Variants in ACOXL observed in about 807,000 individuals in gnomAD.
ACOXL encodes the protein acyl-coenzyme A oxidase-like protein.
A neutral mutation model predicts 71.9 loss-of-function variants in ACOXL; 70 were observed. That is an observed-to-expected ratio of 0.97 (90% confidence interval 0.80 to 1.19). The LOEUF (loss-of-function observed/expected upper bound fraction) is 1.19. Ranked by LOEUF, ACOXL falls within the 50% of genes most tolerant of loss-of-function variation. ACOXL has a pLI of 0.00. For missense variants in ACOXL, 703 were observed against 736.3 expected (o/e 0.95, Z 0.52); for synonymous variants, 253 against 281.6 (o/e 0.90, Z 1.02).
intron 10 of ACOXL, among the ~76,000 whole-genome samples, chr2:110,860,675 AGCCTTCCTTTCTG>A (rs1693835984): frequency 6.6e-6 from 1 of 152,200 alleles, no homozygotes; most frequent in African/African-American, 2.4e-5. Flanking sequence ...GGTACCCAAG[AGCCTTCCTTTCTG>A]GCCAGAACTC....
rs2059553280 is a variant in ACOXL at position 110,908,867 on chromosome 2, C to T, written c.867C>T (p.Pro289=). 1.9e-6 allele frequency: 3 copies of T among 1,613,972 alleles called. No homozygotes were observed. The highest frequency in any genetic ancestry group is 2.5e-6 in the Non-Finnish European group (3 of 1,179,926). The change falls in exon 11 of 18, where the codon CCC becomes CCT. Residue 289 remains proline (P), a synonymous_variant. Transcript: ENST00000439055. The part of the protein sequence containing the change: ...EHQTQTLRLM[P]HLATALALTF... ...AAACACAGACCCTGCGGCTGATGCC[C>T]CACCTGGCCACAGCCTTGGCCCTGA...
intron 12 of ACOXL, among the ~76,000 whole-genome samples, chr2:110,975,642 C>G (rs562285684): frequency 5.9e-4 from 90 of 152,018 alleles, no homozygotes; most frequent in South Asian, 1.0e-3. Context: ...GCAAGATGCA[C>G]AAACACAACA....
At chr2:110,851,391 G>C (rs1182176819) in intron 10 of ACOXL, among the ~76,000 whole-genome samples, 1 of 152,116 alleles carries the variant, frequency 6.6e-6, no homozygotes. Flanking sequence ...GGTTTGAGGG[G>C]GTTCTTTATG....
At position 111,006,715 on chromosome 2, in the gene ACOXL, C is replaced by T. The variant is rs1468463200; in HGVS notation, c.1281+10711C>T. 3.3e-5 allele frequency among the ~76,000 whole-genome samples: 5 copies of T among 152,192 alleles called. No individual in the cohort carries two copies. The East Asian group carries it at 5.8e-4, about 18-fold the overall frequency. On this transcript the variant is annotated intron_variant, in intron 14 of 17. Transcript: ENST00000439055. ...CTAGGATTACAGGCATGTGCCACCA[C>T]GTCTGGCTAATTTTTGTATTTTTAG...
At chr2:110,876,365 G>T (rs1695902644) in intron 10 of ACOXL, among the ~76,000 whole-genome samples, 1 of 152,210 alleles carries the variant, frequency 6.6e-6, no homozygotes, top group South Asian at 2.1e-4. Flanking sequence ...CTCCCCCGAG[G>T]TGCCTGTGGT....
chr2:111,036,493 A>G (rs940853867), intron 15 of ACOXL, among the ~76,000 whole-genome samples: 1 of 152,236 alleles, frequency 6.6e-6, no homozygotes, highest in Non-Finnish European at 1.5e-5. Flanking sequence ...GCCAAATCCC[A>G]GTAGACCCAG....
intron 16 of ACOXL, among the ~76,000 whole-genome samples, chr2:111,074,536 A>G (rs2067502208): frequency 6.6e-6 from 1 of 152,062 alleles, no homozygotes; most frequent in Non-Finnish European, 1.5e-5. Flanking sequence ...TTCTGCATCA[A>G]TTGATATGAT....
chr2:111,109,717 C>T (rs932956807), intron 17 of ACOXL, among the ~76,000 whole-genome samples: 95 of 111,020 alleles, frequency 8.6e-4, no homozygotes, highest in African/African-American at 3.3e-3. Context: ...CTCGCTCTTT[C>T]ACCCAGGCTG....
At chr2:110,893,712 A>G (rs1347189514) in intron 10 of ACOXL, among the ~76,000 whole-genome samples, 2 of 152,116 alleles carry the variant, frequency 1.3e-5, no homozygotes, top group Admixed American at 6.5e-5. Context: ...CAGGATATAT[A>G]CCTCTTCATG....
At chr2:111,109,588 TTTTCC>T (rs1398928824) in intron 17 of ACOXL, among the ~76,000 whole-genome samples, 2 of 151,996 alleles carry the variant, frequency 1.3e-5, no homozygotes, top group East Asian at 3.8e-4. Context: ...AGATCTAGAA[TTTTCC>T]TTTCATTCTT....
chr2:110,758,276 G>A (rs1474656410), intron 1 of ACOXL, among the ~76,000 whole-genome samples: 2 of 152,122 alleles, frequency 1.3e-5, no homozygotes, highest in Admixed American at 1.3e-4. Flanking sequence ...CCAGTATCAT[G>A]CTGTTTTAGT....
chr2:110,878,342 G>A (rs1696186283), intron 10 of ACOXL, among the ~76,000 whole-genome samples: 1 of 152,362 alleles, frequency 6.6e-6, no homozygotes, highest in Middle Eastern at 3.4e-3. Context: ...TAGTAAGTGA[G>A]AAGCTCTATC....
At chr2:111,092,269 A>G (rs1317797181) in intron 16 of ACOXL, among the ~76,000 whole-genome samples, 2 of 152,222 alleles carry the variant, frequency 1.3e-5, no homozygotes, top group African/African-American at 4.8e-5. Context: ...ACGTGAATAA[A>G]CAGTTAAATA....
intron 16 of ACOXL, among the ~76,000 whole-genome samples, chr2:111,083,038 G>T (rs927236564): frequency 6.6e-6 from 1 of 151,788 alleles, no homozygotes; most frequent in African/African-American, 2.4e-5. Context: ...CTGTCAGGGG[G>T]TTGGGGTTAG....
At chr2:111,003,550 C>CAAAAAAAAAAAAAAAAAAAA (rs548001377) in intron 14 of ACOXL, among the ~76,000 whole-genome samples, 7 of 35,336 alleles carry the variant, frequency 2.0e-4, no homozygotes, top group African/African-American at 5.8e-4. Flanking sequence ...GACTCTGTCT[C>CAAAAAAAAAAAAAAAAAAAA]AAAAAAAAAA....
intron 16 of ACOXL, among the ~76,000 whole-genome samples, chr2:111,063,590 C>T (rs1055429116): frequency 4.6e-5 from 7 of 152,216 alleles, no homozygotes; most frequent in Middle Eastern, 3.4e-3. Context: ...CTCATGATAA[C>T]AACTCCTAGA....
chr2:110,888,551 T>C (rs1697588884), intron 10 of ACOXL, among the ~76,000 whole-genome samples: 1 of 152,178 alleles, frequency 6.6e-6, no homozygotes, highest in South Asian at 2.1e-4. Context: ...AAAAAGTCAA[T>C]GGACCCTGAC....
chr2:111,104,262 A>G (rs2069379863), intron 17 of ACOXL, among the ~76,000 whole-genome samples: 1 of 152,214 alleles, frequency 6.6e-6, no homozygotes, highest in Non-Finnish European at 1.5e-5. Context: ...TCAGCTTCTG[A>G]CATTTAGGAA....
At chr2:111,091,127 A>G (rs2068500163) in intron 16 of ACOXL, among the ~76,000 whole-genome samples, 1 of 151,968 alleles carries the variant, frequency 6.6e-6, no homozygotes, top group African/African-American at 2.4e-5. Context: ...TCCTCTTAAA[A>G]TGTCCCTGTT....
Sources: gnomAD v4.1 joint callset for allele counts (sites outside exome capture counted in the v4.1 genomes callset) on GRCh38, gnomAD v4.1.1 for gene constraint, MANE v1.5 for transcripts, NCBI Gene and HGNC (gene_info 2026-07-23, HGNC 2026-07-21) for gene names.